The following NAV2 variants were observed in gnomAD, a reference collection of about 807,000 sequenced individuals.
NAV2 encodes the protein neuron navigator 2.
In NAV2, 54 loss-of-function variants were observed where a neutral mutation model predicts 223.2. That is an observed-to-expected ratio of 0.24 (90% confidence interval 0.19 to 0.30). The LOEUF is 0.30. Among genes scored for constraint, NAV2 ranks in the 10% least tolerant of loss-of-function variants. NAV2 has a pLI of 1.00. For missense variants in NAV2, 2,806 were observed against 3,147.5 expected, an observed-to-expected ratio of 0.89 and a Z score of 2.60; for synonymous variants, 1,279 against 1,239.3, an observed-to-expected ratio of 1.03 and a Z score of -0.67.
intron 6 of NAV2, among the ~76,000 whole-genome samples, chr11:19,910,601 G>A (rs1479435315): frequency 1.3e-5 from 2 of 152,194 alleles, no homozygotes; most frequent in Admixed American, 6.5e-5. Flanking sequence ...GCTTATGCCT[G>A]TAATCCTAGC....
chr11:19,915,860 G>A lies in NAV2; in HGVS notation c.932-17316G>A, dbSNP rs1053505149. ...GGCATACAGAGACGTTAAAGTATTT[G>A]TTAAGTACTTTAATATTTGTTGGTA... On this transcript the variant is annotated intron_variant, in intron 6 of 37. Coordinates refer to ENST00000349880, the MANE Select transcript of NAV2 (RefSeq NM_145117.5). Among the ~76,000 whole-genome samples, 5 of 152,132 alleles carry A rather than the reference G, an allele frequency of 3.3e-5. No individual in the cohort carries two copies. In the South Asian group the frequency reaches 6.2e-4, roughly 19 times the overall value.
chr11:19,449,494 G>A (rs1373693979), intron 1 of NAV2, among the ~76,000 whole-genome samples: 5 of 152,054 alleles, frequency 3.3e-5, no homozygotes, highest in East Asian at 1.9e-4. Context: ...GCTGTGCTCA[G>A]GGAAAGCACT....
intron 11 of NAV2, among the ~76,000 whole-genome samples, chr11:20,029,654 CA>C (rs1427281078): frequency 6.6e-6 from 1 of 152,208 alleles, no homozygotes; most frequent in African/African-American, 2.4e-5. Flanking sequence ...GCCTGGCACA[CA>C]GGGGCAGTGG....
At chr11:20,019,032 A>G (rs2054258660) in intron 11 of NAV2, among the ~76,000 whole-genome samples, 1 of 152,152 alleles carries the variant, frequency 6.6e-6, no homozygotes, top group Non-Finnish European at 1.5e-5. Flanking sequence ...AGGCCAAGGG[A>G]ACAAATTTGA....
intron 1 of NAV2, among the ~76,000 whole-genome samples, chr11:19,532,882 G>A (rs746531861): frequency 2.0e-5 from 3 of 152,200 alleles, no homozygotes; most frequent in Non-Finnish European, 2.9e-5. Flanking sequence ...CTGCAAAAAG[G>A]TCAACAGAAA....
intron 7 of NAV2, among the ~76,000 whole-genome samples, chr11:19,935,864 T>TTTTTTTTTTTTTTTG (rs1353477125): frequency 0.11 from 10,651 of 100,244 alleles, 763 homozygotes; most frequent in East Asian, 0.27. Context: ...TTTTTTTTTT[T>TTTTTTTTTTTTTTTG]TTTTTTTTTT....
intron 10 of NAV2, among the ~76,000 whole-genome samples, chr11:19,953,530 G>A (rs1292576326): frequency 6.6e-6 from 1 of 152,186 alleles, no homozygotes; most frequent in Non-Finnish European, 1.5e-5. Context: ...TTCCCCTCAT[G>A]CCCATCTGAC....
intron 1 of NAV2, among the ~76,000 whole-genome samples, chr11:19,641,693 G>T (rs984511827): frequency 6.6e-6 from 1 of 151,606 alleles, no homozygotes; most frequent in Non-Finnish European, 1.5e-5. Context: ...CACAGTTCCC[G>T]CTGCTCTTCC....
intron 1 of NAV2, among the ~76,000 whole-genome samples, chr11:19,706,075 C>T (rs1020459450): frequency 6.6e-6 from 1 of 152,030 alleles, no homozygotes; most frequent in African/African-American, 2.4e-5. Context: ...GATATTAGTG[C>T]CTGAATATGG....
intron 11 of NAV2, among the ~76,000 whole-genome samples, chr11:20,016,454 T>C (rs944893776): frequency 1.3e-5 from 2 of 152,242 alleles, no homozygotes; most frequent in African/African-American, 4.8e-5. Flanking sequence ...CTTTTACATG[T>C]GAGTACTCAC....
intron 1 of NAV2, among the ~76,000 whole-genome samples, chr11:19,821,478 A>G (rs1256267014): frequency 6.6e-6 from 1 of 152,078 alleles, no homozygotes; most frequent in Non-Finnish European, 1.5e-5. Context: ...TTCCCATCAG[A>G]CAATGTCACC....
chr11:19,393,001 C>A (rs2133231914), intron 1 of NAV2, among the ~76,000 whole-genome samples: 2 of 152,320 alleles, frequency 1.3e-5, no homozygotes, highest in East Asian at 1.9e-4. Flanking sequence ...CAGAGGCTAG[C>A]AAACAGTACT....
At chr11:19,631,951 G>A (rs961826745) in intron 1 of NAV2, among the ~76,000 whole-genome samples, 2 of 152,234 alleles carry the variant, frequency 1.3e-5, no homozygotes, top group African/African-American at 2.4e-5. Context: ...AGAGACCCAC[G>A]CCAATCTTTC....
chr11:19,781,774 T>C (rs1418164105), intron 1 of NAV2, among the ~76,000 whole-genome samples: 2 of 151,534 alleles, frequency 1.3e-5, no homozygotes, highest in African/African-American at 4.9e-5. Flanking sequence ...TTTTTTTTAA[T>C]CCCTAACTTT....
chr11:19,933,925 C>T lies in NAV2; in HGVS notation c.1681C>T (p.His561Tyr), dbSNP rs1465184475. The change falls in exon 7 of 38, where the codon CAC (histidine) becomes TAC (tyrosine). Residue 561 changes from histidine to tyrosine, a missense_variant. By Grantham distance (83) the His-to-Tyr change is moderately conservative. Coordinates refer to ENST00000349880, the MANE Select transcript of NAV2 (RefSeq NM_145117.5). This position sits in a 1 kb window ranked among gnomAD's most constrained non-coding sequence, Gnocchi z 4.3. The part of the protein sequence containing the change: ...SAKKEPMAPS[H>Y]SGIPKPGMKS... ...CAAGAAGGAGCCCATGGCCCCTTCC[C>T]ACAGTGGAATACCAAAACCAGGAAT... The T allele has an allele frequency of 6.3e-7, 1 of 1,590,642 alleles. No individual in the cohort carries two copies. The highest frequency in any genetic ancestry group is 1.7e-4 in the Middle Eastern group (1 of 5,892).
At chr11:19,545,306 C>G (rs930048178) in intron 1 of NAV2, among the ~76,000 whole-genome samples, 1 of 152,220 alleles carries the variant, frequency 6.6e-6, no homozygotes, top group Non-Finnish European at 1.5e-5. Context: ...GGGCAGCCAA[C>G]TGAATTATTC....
chr11:19,876,680 G>A (rs1228770815), intron 4 of NAV2, among the ~76,000 whole-genome samples: 1 of 152,110 alleles, frequency 6.6e-6, no homozygotes, highest in Non-Finnish European at 1.5e-5. Context: ...GATGCTGTTT[G>A]CACTGGGATT....
At chr11:19,776,577 G>GGGGT (rs371411356) in intron 1 of NAV2, among the ~76,000 whole-genome samples, 6 of 116,122 alleles carry the variant, frequency 5.2e-5, no homozygotes, top group African/African-American at 2.3e-4. Flanking sequence ...CTGGGGCAGG[G>GGGGT]GTGTGTGTGT....
chr11:19,579,238 T>C (rs1394232449), intron 1 of NAV2, among the ~76,000 whole-genome samples: 1 of 152,216 alleles, frequency 6.6e-6, no homozygotes, highest in Non-Finnish European at 1.5e-5. Flanking sequence ...AATTGTCAAA[T>C]GGATATAATA....
Sources: gnomAD v4.1 joint callset for allele counts (sites outside exome capture counted in the v4.1 genomes callset) on GRCh38, gnomAD v4.1.1 for gene constraint, Gnocchi (gnomAD v3.1) non-coding constraint, MANE v1.5 for transcripts, NCBI Gene and HGNC (gene_info 2026-07-23, HGNC 2026-07-21) for gene names.